The following SBNO2 variants were observed in gnomAD, a reference collection of about 807,000 sequenced individuals.
The protein encoded by SBNO2 is protein strawberry notch homolog 2.
SBNO2 carries 89 observed loss-of-function variants against 146.3 expected under a neutral mutation model. The ratio of observed to expected loss-of-function variants is 0.61; its 90% CI spans 0.51 to 0.73. The LOEUF is 0.73. Among genes scored for constraint, SBNO2 ranks in the 30% least tolerant of loss-of-function variants. SBNO2 has a pLI of 0.00. For synonymous variants in SBNO2, 1,147 were observed against 892.6 expected (o/e 1.29, Z -5.08); for missense variants, 2,092 against 2,003.7 (o/e 1.04, Z -0.84).
chr19:1,135,068 AAG>A, intron 4 of SBNO2, among the ~76,000 whole-genome samples: 1 of 144,270 alleles, frequency 6.9e-6, no homozygotes, highest in African/African-American at 2.5e-5. Flanking sequence ...AAAAAAAAAA[AAG>A]GTGGATTTGG....
At chr19:1,119,829 G>A in intron 12 of SBNO2, 77 bp downstream of exon 12, 3 of 1,172,166 alleles carry the variant, frequency 2.6e-6, no homozygotes, top group Non-Finnish European at 3.7e-6. Context: ...GTACGCGTGT[G>A]GGATACCCCT....
At chr19:1,147,814 G>T (rs1008069336) in intron 3 of SBNO2, among the ~76,000 whole-genome samples, 2 of 151,976 alleles carry the variant, frequency 1.3e-5, no homozygotes, top group East Asian at 3.9e-4. Context: ...CCTCACTCCC[G>T]CCTCGAAGGA....
Position 1,167,191 on chromosome 19 carries a change from G to A in SBNO2, c.-127+6981C>T, listed in dbSNP as rs1249769115. Among the ~76,000 whole-genome samples, 5 of 152,274 alleles carry A rather than the reference G, an allele frequency of 3.3e-5. No individual in the cohort carries two copies. The South Asian group carries it at 6.2e-4, about 19-fold the overall frequency. ...CCTGACAATGGCCGCACAGTTAGGC[G>A]CTGCTCCACGCCTGGAGGAGGGAAC... On this transcript the variant is annotated intron_variant, in intron 1 of 31. Coordinates refer to ENST00000361757, the MANE Select transcript of SBNO2 (RefSeq NM_014963.3).
rs576143750 is a variant in SBNO2, at chr19:1,144,367, C to G, written c.279+2942G>C. ...ATTTGGGTCCAAGCTGCCCCACATA[C>G]GGACGCTGGAGCATGAGGCGGCTGT... On this transcript the variant is annotated intron_variant, in intron 4 of 31. Transcript: ENST00000361757. This position sits in a 1 kb window ranked among gnomAD's most constrained non-coding sequence, Gnocchi z 4.1. Among the ~76,000 whole-genome samples the G allele has an allele frequency of 6.6e-6, 1 of 152,120 alleles. No homozygotes were observed. The highest frequency in any genetic ancestry group is 1.5e-5 in the Non-Finnish European group (1 of 68,022).
chr19:1,144,450 C>G lies in SBNO2; in HGVS notation c.279+2859G>C, dbSNP rs2080167462. Among the ~76,000 whole-genome samples the G allele has an allele frequency of 6.6e-6, 1 of 152,124 alleles. No homozygotes were observed. Among genetic ancestry groups the G allele is most frequent in the South Asian group, 2.1e-4 (1 of 4,824 alleles). ...GCTCACAGAACCAGCACAGTGGCCC[C>G]GAGGGCTCCGGGCTGAACAGATGCA... is the stretch of plus-strand genomic sequence containing the variant. On this transcript the variant is annotated intron_variant, in intron 4 of 31. Coordinates refer to ENST00000361757, the MANE Select transcript of SBNO2 (RefSeq NM_014963.3). This position sits in a 1 kb window ranked among gnomAD's most constrained non-coding sequence, Gnocchi z 4.1.
At chr19:1,141,064 G>C (rs796885464) in intron 4 of SBNO2, among the ~76,000 whole-genome samples, 16 of 133,246 alleles carry the variant, frequency 1.2e-4, no homozygotes, top group African/African-American at 3.1e-4. Flanking sequence ...CCGGAGAAGA[G>C]GCGCCCCGGA....
intron 16 of SBNO2, 134 bp from the exon 17 acceptor site, chr19:1,116,237 G>T: frequency 2.8e-6 from 2 of 724,314 alleles, no homozygotes; most frequent in South Asian, 1.8e-5. Context: ...AGGGTCTCCT[G>T]TGTGGAGTGG....
intron 1 of SBNO2, among the ~76,000 whole-genome samples, chr19:1,156,950 G>A (rs1361441274): frequency 5.9e-5 from 9 of 151,778 alleles, no homozygotes; most frequent in Admixed American, 2.0e-4. Flanking sequence ...TCCTGAGAAC[G>A]CCCACCCTCT....
At chr19:1,152,748 G>A (rs1230369672) in intron 2 of SBNO2, among the ~76,000 whole-genome samples, 8 of 152,284 alleles carry the variant, frequency 5.3e-5, no homozygotes, top group East Asian at 1.9e-4. Flanking sequence ...TGTGATGTTC[G>A]CCCCACAGGC....
rs376949351 is a variant in SBNO2, at chr19:1,163,729, C to T, written c.-126-9327G>A. On this transcript the variant is annotated intron_variant, in intron 1 of 31. Coordinates refer to ENST00000361757, the MANE Select transcript of SBNO2 (RefSeq NM_014963.3). Reference sequence around the variant, plus strand: ...CCGGGGAAGCCTGGGGGCCCCAGACCGGCCCAGCACCGCCTGACATTTCTC... The same window carrying T: ...CCGGGGAAGCCTGGGGGCCCCAGACTGGCCCAGCACCGCCTGACATTTCTC... Among the ~76,000 whole-genome samples the T allele has an allele frequency of 3.4e-3, 518 of 152,342 alleles. 1 individual carries two copies. Among genetic ancestry groups the T allele is most frequent in the African/African-American group, 0.012 (483 of 41,580 alleles).
chr19:1,119,655 C>G (rs772382853), intron 12 of SBNO2, 34 bp from the exon 13 acceptor site: 3 of 1,555,184 alleles, frequency 1.9e-6, no homozygotes, highest in African/African-American at 2.7e-5. Context: ...CTCCCCAACC[C>G]GGGAGGGCCC....
At chr19:1,155,465 T>A (rs1465671781) in intron 1 of SBNO2, among the ~76,000 whole-genome samples, 3 of 152,192 alleles carry the variant, frequency 2.0e-5, no homozygotes, top group Non-Finnish European at 2.9e-5. Flanking sequence ...TACAACCCAC[T>A]GCCACCAGAG....
chr19:1,108,445 G>T lies in SBNO2; in HGVS notation c.3876C>A (p.Gly1292=). 8.0e-7 allele frequency: 1 copy of T among 1,243,774 alleles called. No individual in the cohort carries two copies. Among genetic ancestry groups the T allele is most frequent in the Non-Finnish European group, 1.0e-6 (1 of 988,734 alleles). 77.0% of individuals were successfully genotyped at this position (1,243,774 alleles called of 1,614,324 possible). A position where few individuals can be genotyped will look rare whatever the true frequency, so the allele number is the denominator to read the frequency against. Residue 1292 remains glycine, a synonymous_variant, in exon 32 of 32, where the codon GGC becomes GGA. Coordinates refer to ENST00000361757, the MANE Select transcript of SBNO2 (RefSeq NM_014963.3). ...LDAGPGVVPL[G]TPDAQADPAA... is the part of the protein sequence containing the mutation. ...CAGGGTCGGCCTGGGCGTCGGGGGT[G>T]CCCAGCGGCACGACGCCGGGGCCGG...
chr19:1,151,078 T>G (rs879571722), intron 2 of SBNO2, among the ~76,000 whole-genome samples: 20 of 152,204 alleles, frequency 1.3e-4, no homozygotes, highest in Non-Finnish European at 2.6e-4. Context: ...GGTCTCCTGA[T>G]CCTTCCCCTC....
At chr19:1,162,241 C>CTG (rs113533103) in intron 1 of SBNO2, among the ~76,000 whole-genome samples, 58 of 116,534 alleles carry the variant, frequency 5.0e-4, no homozygotes, top group Middle Eastern at 4.2e-3. Context: ...GGGTGGATCA[C>CTG]GAGGTCAGGA....
intron 1 of SBNO2, among the ~76,000 whole-genome samples, chr19:1,166,572 G>A (rs2145353807): frequency 6.6e-6 from 1 of 152,016 alleles, no homozygotes; most frequent in East Asian, 1.9e-4. Context: ...GAGCCCAGGA[G>A]GTGGAGACCA....
At position 1,110,629 on chromosome 19, in the gene SBNO2, C is replaced by T. The variant is rs534950552; in HGVS notation, c.3028+116G>A. The T allele has an allele frequency of 4.5e-5, 59 of 1,301,480 alleles. No homozygotes were observed. The highest frequency in any genetic ancestry group is 5.1e-5 in the Non-Finnish European group (50 of 973,910). 80.6% of individuals were successfully genotyped at this position (1,301,480 alleles called of 1,614,324 possible). A position where few individuals can be genotyped will look rare whatever the true frequency, so the allele number is the denominator to read the frequency against. ...ATGCACGGTGTTCCCACGAGCCCCTCGCCCACCCGGGATGCCCGGTGTTCC... is the reference window on the plus strand; with the variant it reads ...ATGCACGGTGTTCCCACGAGCCCCTTGCCCACCCGGGATGCCCGGTGTTCC... On this transcript the variant is annotated intron_variant, in intron 26 of 31. Transcript: ENST00000361757. This position sits in a 1 kb window ranked among gnomAD's most constrained non-coding sequence, Gnocchi z 4.9.
At chr19:1,146,629 G>A (rs928090844) in intron 4 of SBNO2, among the ~76,000 whole-genome samples, 8 of 151,582 alleles carry the variant, frequency 5.3e-5, no homozygotes, top group African/African-American at 1.7e-4. Flanking sequence ...TATCCGAACC[G>A]TCCCAGGGAA....
At chr19:1,124,475 G>C (rs988047284) in intron 5 of SBNO2, among the ~76,000 whole-genome samples, 4 of 152,116 alleles carry the variant, frequency 2.6e-5, no homozygotes, top group African/African-American at 4.8e-5. Flanking sequence ...GCTCCCTGTC[G>C]AGGGGGAAGA....
Sources: allele counts gnomAD v4.1 joint callset (sites outside exome capture counted in the v4.1 genomes callset), GRCh38; gene constraint gnomAD v4.1.1; non-coding constraint Gnocchi (gnomAD v3.1); transcripts MANE v1.5; gene names NCBI Gene and HGNC (gene_info 2026-07-23, HGNC 2026-07-21).